Variants in DOHH observed in about 807,000 individuals in gnomAD.
DOHH encodes deoxyhypusine hydroxylase, also known as HEAT-like (PBS lyase) repeat containing 1.
DOHH carries 16 observed loss-of-function variants against 19.9 expected under a neutral mutation model. The ratio of observed to expected loss-of-function variants is 0.80; its 90% confidence interval spans 0.54 to 1.22. The LOEUF is 1.22. Ranked by LOEUF, DOHH falls within the 50% of genes most tolerant of loss-of-function variation. The pLI is 0.00. For synonymous variants in DOHH, 233 were observed against 217.0 expected, an observed-to-expected ratio of 1.07 and a Z score of -0.65; for missense variants, 460 against 460.6, an observed-to-expected ratio of 1.00 and a Z score of 0.01.
rs753233188 is a variant in DOHH, at chr19:3,491,823, A to G, written c.590-12T>C. Reference sequence around the variant, plus strand: ...CCCACAGTGCAGACCTGCAGGGGAGAGGGACACTCGCTGGGGCCAGGAGGG... The same window carrying G: ...CCCACAGTGCAGACCTGCAGGGGAGGGGGACACTCGCTGGGGCCAGGAGGG... On this transcript the variant is annotated splice_polypyrimidine_tract_variant and intron_variant, in intron 4 of 4. Coordinates refer to ENST00000427575, the MANE Select transcript of DOHH (RefSeq NM_001145165.2). The surrounding 1 kb of genome is among the most constrained non-coding windows in gnomAD (Gnocchi z 5.6). The G allele has an allele frequency of 4.6e-5, 66 of 1,446,010 alleles. No homozygotes were observed. In the South Asian group the frequency reaches 9.0e-4, roughly 20 times the overall value. The allele number at this position is 1,446,010 out of a possible 1,614,324, so 89.6% of individuals were successfully genotyped here.
At chr19:3,492,192 G>C (rs770991506) in intron 4 of DOHH, 70 bp downstream of exon 4, 14 of 1,347,824 alleles carry the variant, frequency 1.0e-5, no homozygotes, top group African/African-American at 1.5e-5. Context: ...CGGCCCCACT[G>C]CACAGATGCC....
At position 3,494,076 on chromosome 19, in the gene DOHH, C is replaced by T. The variant is rs751885919; in HGVS notation, c.303G>A (p.Pro101=). Residue 101 remains proline (P), a synonymous_variant, in exon 3 of 5, where the codon CCG becomes CCA. Coordinates refer to ENST00000427575, the MANE Select transcript of DOHH (RefSeq NM_001145165.2). ...ACTGCTTCAGGATCTCCAGAACTTCCGGGTCCCCGATGGCCCCCAGGGCCT... is the reference window on the plus strand; with the variant it reads ...ACTGCTTCAGGATCTCCAGAACTTCTGGGTCCCCGATGGCCCCCAGGGCCT... ...AGEALGAIGD[P]EVLEILKQYS... 7.4e-6 allele frequency: 12 copies of T among 1,613,642 alleles called. No homozygotes were observed. Among genetic ancestry groups the T allele is most frequent in the African/African-American group, 1.3e-5 (1 of 74,896 alleles).
intron 1 of DOHH, among the ~76,000 whole-genome samples, chr19:3,500,170 G>T (rs1030322991): frequency 1.3e-5 from 2 of 152,230 alleles, no homozygotes; most frequent in Non-Finnish European, 2.9e-5. Context: ...TGGCATGCTG[G>T]CAGCCCTCTC....
At chr19:3,497,311 G>T (rs2082915999) in intron 1 of DOHH, among the ~76,000 whole-genome samples, 1 of 152,232 alleles carries the variant, frequency 6.6e-6, no homozygotes, top group Admixed American at 6.5e-5. Context: ...GACTTCCAAG[G>T]TTAGGGCATA....
chr19:3,493,558 C>T (rs535297354), intron 3 of DOHH, among the ~76,000 whole-genome samples: 148 of 151,790 alleles, frequency 9.8e-4, no homozygotes, highest in African/African-American at 3.4e-3. Context: ...TGCAGTGAGC[C>T]GAGATCGCGC....
chr19:3,498,828 T>C (rs1476896902), intron 1 of DOHH, among the ~76,000 whole-genome samples: 1 of 152,168 alleles, frequency 6.6e-6, no homozygotes, highest in Non-Finnish European at 1.5e-5. Flanking sequence ...CCCCAGCACC[T>C]GGACCCACTG....
chr19:3,497,243 C>T (rs62130574), intron 1 of DOHH, among the ~76,000 whole-genome samples: 16,987 of 152,194 alleles, frequency 0.11, 1,030 homozygotes, highest in Non-Finnish European at 0.14. Context: ...TTATATAGTC[C>T]TCTCCCACTC....
Position 3,496,772 on chromosome 19 carries a change from C to A in DOHH, c.43G>T (p.Val15Leu), listed in dbSNP as rs778518630. 1.2e-6 allele frequency: 2 copies of A among 1,604,816 alleles called. No homozygotes were observed. The highest frequency in any genetic ancestry group is 1.3e-5 in the African/African-American group (1 of 74,798). ...QEVDAIGQTLVDPKQPLQARF... is the reference protein window; with the variant it reads ...QEVDAIGQTLLDPKQPLQARF... ...GCCTGCAGGGGCTGCTTGGGGTCCA[C>A]CAGCGTCTGCCCGATGGCATCCACC... Residue 15 changes from valine (V) to leucine (L), a missense_variant, in exon 2 of 5, where the codon GTG (valine) becomes TTG (leucine). Physicochemically the swap from Val to Leu is conservative, Grantham distance 32. Transcript: ENST00000427575. This position sits in a 1 kb window ranked among gnomAD's most constrained non-coding sequence, Gnocchi z 4.8.
chr19:3,492,841 C>T (rs937273906), intron 3 of DOHH, among the ~76,000 whole-genome samples: 1 of 152,198 alleles, frequency 6.6e-6, no homozygotes, highest in African/African-American at 2.4e-5. Context: ...TGTGCGGCCC[C>T]ACCTGACCAG....
rs2082913940 is a variant in DOHH at position 3,496,966 on chromosome 19, A to G, written c.-72-80T>C. On this transcript the variant is annotated intron_variant, in intron 1 of 4. Transcript: ENST00000427575. This position sits in a 1 kb window ranked among gnomAD's most constrained non-coding sequence, Gnocchi z 4.8. ...CTGTTCCTAGGACCTGGGTGGGGCA[A>G]ATTCCTACCCACTGACCAACCTGAG... is the stretch of plus-strand genomic sequence containing the variant. 9.6e-7 allele frequency: 1 copy of G among 1,041,578 alleles called. No homozygotes were observed. Among genetic ancestry groups the G allele is most frequent in the East Asian group, 3.1e-5 (1 of 32,594 alleles). 64.5% of individuals were successfully genotyped at this position (1,041,578 alleles called of 1,614,324 possible).
chr19:3,499,808 A>G (rs1404733775), intron 1 of DOHH, among the ~76,000 whole-genome samples: 1 of 152,196 alleles, frequency 6.6e-6, no homozygotes, highest in Non-Finnish European at 1.5e-5. Context: ...CAACCGTGAC[A>G]ATAGCAGCTG....
chr19:3,493,064 T>C (rs2082882666), intron 3 of DOHH, among the ~76,000 whole-genome samples: 1 of 152,144 alleles, frequency 6.6e-6, no homozygotes. Flanking sequence ...GCATAACTCA[T>C]AACAGCTAAA....
chr19:3,492,191 T>C (rs749536895), intron 4 of DOHH, 71 bp downstream of exon 4: 1 of 1,342,868 alleles, frequency 7.4e-7, no homozygotes, highest in Admixed American at 3.4e-5. Context: ...GCGGCCCCAC[T>C]GCACAGATGC....
intron 3 of DOHH, among the ~76,000 whole-genome samples, chr19:3,493,204 C>A (rs1024338858): frequency 6.6e-6 from 1 of 152,252 alleles, no homozygotes; most frequent in African/African-American, 2.4e-5. Context: ...CTAATCCCAG[C>A]AGTTAGGGAG....
Position 3,491,876 on chromosome 19 carries a change from A to G in DOHH, c.590-65T>C. On this transcript the variant is annotated intron_variant, in intron 4 of 4. Transcript: ENST00000427575. This position sits in a 1 kb window ranked among gnomAD's most constrained non-coding sequence, Gnocchi z 5.6. ...GGGAAGGGGAGCTCTGTCTTTTCGA[A>G]GACATGGGGTCTTGCTATCTTGCCC... 1 of 1,366,388 alleles carries G rather than the reference A, an allele frequency of 7.3e-7. No individual in the cohort carries two copies. Among genetic ancestry groups the G allele is most frequent in the Non-Finnish European group, 9.5e-7 (1 of 1,047,342 alleles). 84.6% of individuals were successfully genotyped at this position (1,366,388 alleles called of 1,614,324 possible).
intron 2 of DOHH, among the ~76,000 whole-genome samples, chr19:3,495,346 G>A (rs1192028204): frequency 6.6e-6 from 1 of 151,960 alleles, no homozygotes; most frequent in African/African-American, 2.4e-5. Flanking sequence ...GCATGATCAT[G>A]GCTAACTGCA....
At chr19:3,497,475 C>T (rs752340427) in intron 1 of DOHH, among the ~76,000 whole-genome samples, 1 of 152,208 alleles carries the variant, frequency 6.6e-6, no homozygotes, top group African/African-American at 2.4e-5. Flanking sequence ...GGCAGCAGCT[C>T]GTCCAGCCCC....
intron 1 of DOHH, among the ~76,000 whole-genome samples, chr19:3,497,981 T>G (rs1041640822): frequency 6.6e-6 from 1 of 152,128 alleles, no homozygotes; most frequent in African/African-American, 2.4e-5. Flanking sequence ...AGAAGTACTT[T>G]CAATATGTAA....
chr19:3,493,348 C>T (rs1178136906), intron 3 of DOHH, among the ~76,000 whole-genome samples: 3 of 151,982 alleles, frequency 2.0e-5, no homozygotes, highest in African/African-American at 4.8e-5. Flanking sequence ...CGGTGGCTCA[C>T]GCCTGTAATC....
Sources: allele counts gnomAD v4.1 joint callset (sites outside exome capture counted in the v4.1 genomes callset), GRCh38; gene constraint gnomAD v4.1.1; non-coding constraint Gnocchi (gnomAD v3.1); transcripts MANE v1.5; gene names NCBI Gene and HGNC (gene_info 2026-07-23, HGNC 2026-07-21).